POU2F3: variants seen among roughly 807,000 people sequenced by gnomAD.
POU2F3 encodes the protein POU domain, class 2, transcription factor 3.
In POU2F3, 23 loss-of-function variants were observed where a neutral mutation model predicts 59.2. That is an observed-to-expected ratio of 0.39 (90% CI 0.28 to 0.55). The LOEUF (loss-of-function observed/expected upper bound fraction) is 0.55, where lower values mean the gene tolerates loss of function less well. Ranked by LOEUF, POU2F3 falls within the 20% of genes least tolerant of loss-of-function variation. The probability of loss-of-function intolerance (pLI) is 0.66; values close to 1 mark genes in which losing one functional copy is unlikely to be tolerated. For synonymous variants in POU2F3, 190 were observed against 214.6 expected (o/e 0.89, Z 1.00); for missense variants, 473 against 544.5 (o/e 0.87, Z 1.31).
At chr11:120,268,407 C>A (rs941904860) in intron 2 of POU2F3, among the ~76,000 whole-genome samples, 1 of 152,134 alleles carries the variant, frequency 6.6e-6, no homozygotes, top group Non-Finnish European at 1.5e-5. Context: ...GTGGCACAAT[C>A]AGGGCTCACT....
chr11:120,309,660 C>T, intron 10 of POU2F3, 74 bp downstream of exon 10: 1 of 1,526,256 alleles, frequency 6.6e-7, no homozygotes. Context: ...GTGGTGGCTG[C>T]AGGGAAGAGG....
intron 3 of POU2F3, among the ~76,000 whole-genome samples, chr11:120,276,140 C>A (rs577298973): frequency 4.6e-5 from 7 of 152,286 alleles, no homozygotes; most frequent in South Asian, 2.1e-4. Context: ...AGTGCCCCCC[C>A]ACAACCAGGA....
chr11:120,315,551 G>A, intron 11 of POU2F3, 124 bp downstream of exon 11: 3 of 928,036 alleles, frequency 3.2e-6, no homozygotes, highest in African/African-American at 3.4e-5. Flanking sequence ...ATTAAAATCT[G>A]TGTTGGGAAA....
chr11:120,251,091 T>C (rs571316849), intron 2 of POU2F3, among the ~76,000 whole-genome samples: 53 of 152,298 alleles, frequency 3.5e-4, no homozygotes, highest in Non-Finnish European at 5.9e-4. Flanking sequence ...TCTCAGCCTC[T>C]GGAGTAACTG....
Position 120,240,165 on chromosome 11 carries a change from G to C in POU2F3, c.-179G>C. ...AGTGTGGCAATCCTGGCGGCGCCGA[G>C]TGTTGCCCGGGCCGGAGCAGCGGAG... On this transcript the variant is annotated 5_prime_UTR_variant, in exon 1 of 13. Transcript: ENST00000543440. 1 of 1,213,252 alleles carries C rather than the reference G, an allele frequency of 8.2e-7. No homozygotes were observed. Among genetic ancestry groups the C allele is most frequent in the Non-Finnish European group, 1.0e-6 (1 of 971,002 alleles). 75.2% of individuals were successfully genotyped at this position (1,213,252 alleles called of 1,614,324 possible). A position where few individuals can be genotyped will look rare whatever the true frequency, so the allele number is the denominator to read the frequency against.
chr11:120,280,000 G>A (rs758966691), intron 3 of POU2F3, among the ~76,000 whole-genome samples: 2 of 152,204 alleles, frequency 1.3e-5, no homozygotes, highest in Non-Finnish European at 2.9e-5. Context: ...ATGAAGGAGG[G>A]AGAAGAAGGT....
At chr11:120,260,613 T>C (rs1419866948) in intron 2 of POU2F3, among the ~76,000 whole-genome samples, 1 of 152,264 alleles carries the variant, frequency 6.6e-6, no homozygotes, top group East Asian at 1.9e-4. Context: ...TGGACCTAGA[T>C]GTTCTCATGT....
Position 120,302,009 on chromosome 11 carries a change from C to A in POU2F3, c.362-277C>A, listed in dbSNP as rs187710438. On this transcript the variant is annotated intron_variant, in intron 5 of 12. Transcript: ENST00000543440. ...GTAGATCGTCTTGACCCTCCTTAGC[C>A]TCTACGCCTCTCCAGACAGGCGGGC... is the stretch of plus-strand genomic sequence containing the variant. 242 of 391,824 alleles carry A rather than the reference C, an allele frequency of 6.2e-4. 1 individual carries two copies. The highest frequency in any genetic ancestry group is 4.2e-3 in the South Asian group (104 of 24,978). 24.3% of individuals were successfully genotyped at this position (391,824 alleles called of 1,614,324 possible). A position where few individuals can be genotyped will look rare whatever the true frequency, so the allele number is the denominator to read the frequency against.
chr11:120,255,319 C>G (rs948772607), intron 2 of POU2F3, among the ~76,000 whole-genome samples: 1 of 152,158 alleles, frequency 6.6e-6, no homozygotes, highest in Non-Finnish European at 1.5e-5. Flanking sequence ...CTTGCCTTCC[C>G]TTCAGCTGCT....
chr11:120,245,404 C>T (rs1938827563), intron 1 of POU2F3, among the ~76,000 whole-genome samples: 1 of 152,076 alleles, frequency 6.6e-6, no homozygotes, highest in Non-Finnish European at 1.5e-5. Flanking sequence ...CTGGGATTGG[C>T]TGGGGAGCTG....
At chr11:120,239,508 G>GCTC (rs1938580941), upstream of POU2F3, among the ~76,000 whole-genome samples, 1 of 152,158 alleles carries the variant, frequency 6.6e-6, no homozygotes, top group South Asian at 2.1e-4. Flanking sequence ...GGGACCTGGG[G>GCTC]CGGGAGACTG....
chr11:120,289,945 T>A (rs1206153588), intron 3 of POU2F3, among the ~76,000 whole-genome samples: 1 of 152,228 alleles, frequency 6.6e-6, no homozygotes, highest in African/African-American at 2.4e-5. Flanking sequence ...CTATTCATCT[T>A]TGTGTCCCTA....
intron 2 of POU2F3, among the ~76,000 whole-genome samples, chr11:120,247,985 G>A (rs1938938879): frequency 6.6e-6 from 1 of 152,212 alleles, no homozygotes; most frequent in South Asian, 2.1e-4. Context: ...CAGGGTAACA[G>A]TGTTAGGAGT....
At chr11:120,256,667 GT>G (rs994087888) in intron 2 of POU2F3, 38 of 152,324 alleles carry the variant, frequency 2.5e-4, no homozygotes, top group African/African-American at 9.1e-4. Context: ...CCTAACTCAA[GT>G]TTGTCTTTGC....
Position 120,269,728 on chromosome 11 carries a change from G to A in POU2F3, c.132+484G>A, listed in dbSNP as rs554309884. The stretch of plus-strand genomic sequence containing the variant: ...CAAAAAAGAGCAGGTAACCAGGCTC[G>A]GGGGCAATGTAGACATGCGCCTGGT... On this transcript the variant is annotated intron_variant, in intron 3 of 12. Transcript: ENST00000543440. Among the ~76,000 whole-genome samples, 15 of 152,282 alleles carry A rather than the reference G, an allele frequency of 9.9e-5. No individual in the cohort carries two copies. The East Asian group carries it at 1.2e-3, about 12-fold the overall frequency.
chr11:120,244,114 C>A (rs1392878469), intron 1 of POU2F3, among the ~76,000 whole-genome samples: 1 of 151,970 alleles, frequency 6.6e-6, no homozygotes, highest in Non-Finnish European at 1.5e-5. Context: ...TTCAGAGACT[C>A]TGGTCATCAT....
intron 3 of POU2F3, among the ~76,000 whole-genome samples, chr11:120,296,225 T>C (rs1387907379): frequency 1.3e-5 from 2 of 152,222 alleles, no homozygotes; most frequent in Non-Finnish European, 2.9e-5. Context: ...TTTTCTTCCC[T>C]GTACCTCATT....
intron 2 of POU2F3, among the ~76,000 whole-genome samples, chr11:120,260,507 T>C (rs140272150): frequency 1.2e-3 from 180 of 152,354 alleles, no homozygotes; most frequent in African/African-American, 3.8e-3. Context: ...TTGGGTATTA[T>C]GGCCGTCTTG....
At chr11:120,260,650 T>C (rs1939555418) in intron 2 of POU2F3, among the ~76,000 whole-genome samples, 1 of 152,226 alleles carries the variant, frequency 6.6e-6, no homozygotes, top group African/African-American at 2.4e-5. Flanking sequence ...CAACTGCAGC[T>C]TGGCTTCTCA....
Sources: gnomAD v4.1 joint callset for allele counts (sites outside exome capture counted in the v4.1 genomes callset) on GRCh38, gnomAD v4.1.1 for gene constraint, MANE v1.5 for transcripts, NCBI Gene and HGNC (gene_info 2026-07-23, HGNC 2026-07-21) for gene names.